Variants in FRMD3 observed in about 807,000 individuals in gnomAD.
FRMD3 encodes FERM domain-containing protein 3.
A neutral mutation model predicts 70.2 loss-of-function variants in FRMD3; 33 were observed. The observed-to-expected ratio is 0.47, with a 90% CI of 0.36 to 0.63. The LOEUF is 0.63. FRMD3 is among the 20% of genes least tolerant of loss of function. The pLI is 0.00. For missense variants in FRMD3, 632 were observed against 711.4 expected (o/e 0.89, Z 1.27); for synonymous variants, 279 against 255.9 (o/e 1.09, Z -0.86).
intron 13 of FRMD3, among the ~76,000 whole-genome samples, chr9:83,259,599 C>T (rs1832892117): frequency 6.6e-6 from 1 of 152,096 alleles, no homozygotes; most frequent in Non-Finnish European, 1.5e-5. Flanking sequence ...ATTATTTTGA[C>T]TTAGTTAAGT....
the FRMD3 span, among the ~76,000 whole-genome samples, chr9:83,549,513 A>G: frequency 0.3 from 46,231 of 152,018 alleles, 7,891 homozygotes; most frequent in Middle Eastern, 0.45. Context: ...TAGCTCTTTG[A>G]GGGATCACTA....
Position 83,304,813 on chromosome 9 carries a change from T to C in FRMD3, c.926+4723A>G, listed in dbSNP as rs1239462142. 2.6e-5 allele frequency among the ~76,000 whole-genome samples: 4 copies of C among 152,204 alleles called. No homozygotes were observed. In the East Asian group the frequency reaches 7.7e-4, roughly 29 times the overall value. Reference sequence around the variant, plus strand: ...GTGAGCTCTGGGGTTGGCAGCACCATGACAGACCACACATGGTATAAAGGA... The same window carrying C: ...GTGAGCTCTGGGGTTGGCAGCACCACGACAGACCACACATGGTATAAAGGA... On this transcript the variant is annotated intron_variant, in intron 10 of 13. Coordinates refer to ENST00000304195, the MANE Select transcript of FRMD3 (RefSeq NM_174938.6).
At chr9:83,257,790 G>A (rs896040767) in intron 13 of FRMD3, among the ~76,000 whole-genome samples, 22 of 151,996 alleles carry the variant, frequency 1.4e-4, no homozygotes, top group Non-Finnish European at 1.5e-5. Context: ...CAGTTAATAA[G>A]TTTAATAATT....
chr9:83,289,084 A>AAAATGATTTT, intron 13 of FRMD3, among the ~76,000 whole-genome samples: 1 of 152,186 alleles, frequency 6.6e-6, no homozygotes, highest in South Asian at 2.1e-4. Flanking sequence ...GATAATCATG[A>AAAATGATTTT]CCTTCAGAAA....
upstream of FRMD3, among the ~76,000 whole-genome samples, chr9:83,539,890 G>A (rs1829978497): frequency 6.6e-6 from 1 of 152,174 alleles, no homozygotes. Flanking sequence ...GATAGTATGG[G>A]GCATTCATGT....
chr9:83,566,924 G>A, the FRMD3 span, among the ~76,000 whole-genome samples: 2 of 152,298 alleles, frequency 1.3e-5, no homozygotes, highest in African/African-American at 4.8e-5. Flanking sequence ...CTACCATTCT[G>A]GGGTCTGGAG....
intron 1 of FRMD3, among the ~76,000 whole-genome samples, chr9:83,446,325 A>G (rs879806508): frequency 1.3e-5 from 2 of 152,180 alleles, no homozygotes; most frequent in Non-Finnish European, 2.9e-5. Flanking sequence ...CAGGTCTCCA[A>G]ACAAAACTAT....
At chr9:83,350,181 AT>A (rs1295879938) in intron 3 of FRMD3, among the ~76,000 whole-genome samples, 2 of 152,164 alleles carry the variant, frequency 1.3e-5, no homozygotes, top group African/African-American at 4.8e-5. Context: ...GGAAAAAAAA[AT>A]GTCACTGCAC....
chr9:83,474,218 A>G (rs1315814466), intron 1 of FRMD3, among the ~76,000 whole-genome samples: 2 of 152,236 alleles, frequency 1.3e-5, no homozygotes, highest in Non-Finnish European at 2.9e-5. Context: ...CAAAGCCACT[A>G]GAAATCATCA....
intron 1 of FRMD3, among the ~76,000 whole-genome samples, chr9:83,451,100 C>T (rs1827640805): frequency 2.0e-5 from 3 of 151,932 alleles, no homozygotes; most frequent in Non-Finnish European, 4.4e-5. Flanking sequence ...TTTTTTTAGC[C>T]AAGTCAGTGG....
Position 83,396,327 on chromosome 9 carries a change from T to C in FRMD3, c.148-6619A>G, listed in dbSNP as rs1825810843. Among the ~76,000 whole-genome samples the C allele has an allele frequency of 3.3e-5, 5 of 152,222 alleles. No homozygotes were observed. In the South Asian group the frequency reaches 1.0e-3, roughly 31 times the overall value. ...GCTGGGAAAAGGCAGTTTTATAAAA[T>C]ACAAAGCACATTATAATAGACTTCA... On this transcript the variant is annotated intron_variant, in intron 1 of 13. Transcript: ENST00000304195.
intron 2 of FRMD3, among the ~76,000 whole-genome samples, chr9:83,379,291 C>T (rs1825284780): frequency 6.6e-6 from 1 of 152,122 alleles, no homozygotes; most frequent in African/African-American, 2.4e-5. Context: ...AAATAACCAC[C>T]ATGATGTGGC....
intron 1 of FRMD3, among the ~76,000 whole-genome samples, chr9:83,399,718 G>T (rs1337553024): frequency 6.6e-6 from 1 of 152,060 alleles, no homozygotes; most frequent in South Asian, 2.1e-4. Context: ...TGCTATATTT[G>T]GTTATTATAA....
intron 1 of FRMD3, among the ~76,000 whole-genome samples, chr9:83,531,209 T>G (rs1278708577): frequency 6.6e-6 from 1 of 152,222 alleles, no homozygotes; most frequent in African/African-American, 2.4e-5. Flanking sequence ...CCACAGTCCT[T>G]GAATTAAATA....
intron 2 of FRMD3, among the ~76,000 whole-genome samples, chr9:83,375,703 A>T (rs988364523): frequency 1.4e-4 from 21 of 152,170 alleles, no homozygotes; most frequent in African/African-American, 4.3e-4. Flanking sequence ...AACAACACAC[A>T]CTGGGGCCTA....
At chr9:83,363,039 T>A (rs1018909327) in intron 3 of FRMD3, among the ~76,000 whole-genome samples, 1 of 151,984 alleles carries the variant, frequency 6.6e-6, no homozygotes, top group Non-Finnish European at 1.5e-5. Context: ...TCCTTCCTTG[T>A]TTTGCATAAA....
intron 1 of FRMD3, among the ~76,000 whole-genome samples, chr9:83,406,698 G>A (rs12343915): frequency 0.042 from 6,443 of 152,292 alleles, 477 homozygotes; most frequent in African/African-American, 0.15. Context: ...TTGGGCAATT[G>A]ACATGTTGTC....
At chr9:83,545,030 C>A in the FRMD3 span, among the ~76,000 whole-genome samples, 1 of 151,878 alleles carries the variant, frequency 6.6e-6, no homozygotes, top group Non-Finnish European at 1.5e-5. Context: ...TGGATCCTAA[C>A]CAAAATGAAA....
intron 6 of FRMD3, chr9:83,332,109 G>A (rs943670824): frequency 3.6e-6 from 2 of 559,074 alleles, no homozygotes; most frequent in African/African-American, 1.9e-5. Flanking sequence ...CTTGCTCTAA[G>A]CCACTGAGCA....
Sources: allele counts gnomAD v4.1 joint callset (sites outside exome capture counted in the v4.1 genomes callset), GRCh38; gene constraint gnomAD v4.1.1; transcripts MANE v1.5; gene names NCBI Gene and HGNC (gene_info 2026-07-23, HGNC 2026-07-21).